SLC25A44: variants seen among roughly 807,000 people sequenced by gnomAD.
The protein encoded by SLC25A44 is solute carrier family 25 member 44.
In SLC25A44, 17 loss-of-function variants were observed where a neutral mutation model predicts 29.9. The observed-to-expected ratio is 0.57, with a 90% confidence interval of 0.39 to 0.85. SLC25A44 has a LOEUF of 0.85. Among genes scored for constraint, SLC25A44 ranks in the 40% least tolerant of loss-of-function variants. SLC25A44 has a pLI of 0.00. For missense variants in SLC25A44, 302 were observed against 398.4 expected (o/e 0.76, Z 2.06); for synonymous variants, 140 against 151.8 (o/e 0.92, Z 0.57).
In SLC25A44 at chr1:156,198,599, C is replaced by T. The variant is rs1558176585; in HGVS notation, c.-13-1236C>T. On this transcript the variant is annotated intron_variant, in intron 1 of 3. Transcript: ENST00000359511. The surrounding 1 kb of genome is among the most constrained non-coding windows in gnomAD (Gnocchi z 4.1). ...AAGTAGCTGGGACCACAGGTGCATG[C>T]CACCATGCCTGGCTAACTTATTTTT... 6.6e-6 allele frequency: 1 copy of T among 152,210 alleles called. No individual in the cohort carries two copies. Among genetic ancestry groups the T allele is most frequent in the Non-Finnish European group, 1.5e-5 (1 of 68,088 alleles). The allele number at this position is 152,210 out of a possible 1,614,324, so 9.4% of individuals were successfully genotyped here.
In SLC25A44 at chr1:156,210,475, G is replaced by A. The variant is rs1459542698; in HGVS notation, c.*44G>A. The A allele has an allele frequency of 6.9e-7, 1 of 1,454,248 alleles. No individual in the cohort carries two copies. The highest frequency in any genetic ancestry group is 2.2e-5 in the Admixed American group (1 of 45,856). 90.1% of individuals were successfully genotyped at this position (1,454,248 alleles called of 1,614,324 possible). On this transcript the variant is annotated 3_prime_UTR_variant, in exon 4 of 4. Coordinates refer to ENST00000359511, the MANE Select transcript of SLC25A44 (RefSeq NM_014655.4). ...GCCTGCTGTTTTCCACACTACCGTGGGTCAGGGGCAGAGTGGAGAGGACAG... is the reference window on the plus strand; with the variant it reads ...GCCTGCTGTTTTCCACACTACCGTGAGTCAGGGGCAGAGTGGAGAGGACAG...
rs1163004009 is a variant in SLC25A44, at chr1:156,194,203, T to G, written c.-58T>G. 2.6e-5 allele frequency: 4 copies of G among 152,804 alleles called. No individual in the cohort carries two copies. Among genetic ancestry groups the G allele is most frequent in the Non-Finnish European group, 5.9e-5 (4 of 68,074 alleles). The allele number at this position is 152,804 out of a possible 1,614,324, so 9.5% of individuals were successfully genotyped here. On this transcript the variant is annotated 5_prime_UTR_variant, in exon 1 of 4. Transcript: ENST00000359511. ...GGGGCTGCGGCCTAGAGGTCCGGGCTTGGAGTTCGCCTCAGACGCGGTGGA... is the reference window on the plus strand; with the variant it reads ...GGGGCTGCGGCCTAGAGGTCCGGGCGTGGAGTTCGCCTCAGACGCGGTGGA...
Position 156,199,860 on chromosome 1 carries a change from C to A in SLC25A44, c.13C>A (p.Arg5Ser). The A allele has an allele frequency of 6.2e-7, 1 of 1,613,232 alleles. No individual in the cohort carries two copies. Among genetic ancestry groups the A allele is most frequent in the Non-Finnish European group, 8.5e-7 (1 of 1,179,444 alleles). ...GTCTTCAGGCACCATGGAGGACAAA[C>A]GCAACATCCAGATCATCGAGTGGGA... MEDK[R>S]NIQIIEWEHL... The change falls in exon 2 of 4, where the codon CGC becomes AGC. Residue 5 changes from arginine to serine, a missense_variant. Arg to Ser is a moderately radical substitution (Grantham distance 110). Coordinates refer to ENST00000359511, the MANE Select transcript of SLC25A44 (RefSeq NM_014655.4).
At chr1:156,209,476 T>C (rs1222196162) in intron 3 of SLC25A44, among the ~76,000 whole-genome samples, 1 of 152,114 alleles carries the variant, frequency 6.6e-6, no homozygotes, top group African/African-American at 2.4e-5. Context: ...GAAGGTCATA[T>C]CATATAAAGG....
At chr1:156,203,650 A>ATG (rs1656723795) in intron 2 of SLC25A44, among the ~76,000 whole-genome samples, 1 of 148,110 alleles carries the variant, frequency 6.8e-6, no homozygotes. Context: ...AAAATGAAAG[A>ATG]TGTGGAGTCC....
chr1:156,201,696 TTC>T (rs1457659790), intron 2 of SLC25A44, among the ~76,000 whole-genome samples: 8 of 152,224 alleles, frequency 5.3e-5, no homozygotes, highest in African/African-American at 1.9e-4. Flanking sequence ...TTCTTTCTTC[TTC>T]TTTTTTTGCT....
At position 156,210,470 on chromosome 1, in the gene SLC25A44, C is replaced by G. The variant is rs1657227808; in HGVS notation, c.*39C>G. On this transcript the variant is annotated 3_prime_UTR_variant, in exon 4 of 4. Transcript: ENST00000359511. ...GAGAAGCCTGCTGTTTTCCACACTA[C>G]CGTGGGTCAGGGGCAGAGTGGAGAG... is the stretch of plus-strand genomic sequence containing the variant. 1 of 1,477,156 alleles carries G rather than the reference C, an allele frequency of 6.8e-7. No individual in the cohort carries two copies. 91.5% of individuals were successfully genotyped at this position (1,477,156 alleles called of 1,614,324 possible).
chr1:156,199,789 G>C (rs1241449159), intron 1 of SLC25A44, 46 bp from the exon 2 acceptor site: 6 of 1,536,872 alleles, frequency 3.9e-6, no homozygotes, highest in Non-Finnish European at 5.3e-6. Context: ...AAAGCACAAA[G>C]CTCCACCCTC....
intron 2 of SLC25A44, 95 bp downstream of exon 2, chr1:156,200,567 T>G: frequency 5.3e-6 from 6 of 1,131,090 alleles, no homozygotes; most frequent in East Asian, 2.4e-5. Flanking sequence ...AGGTGAGATT[T>G]AATGGGGGAA....
intron 3 of SLC25A44, among the ~76,000 whole-genome samples, chr1:156,209,660 T>C (rs1450939235): frequency 6.6e-6 from 1 of 152,000 alleles, no homozygotes; most frequent in East Asian, 1.9e-4. Context: ...TATTTGTTCA[T>C]GGGGTGTGTG....
At chr1:156,199,726 G>A (rs1054659888) in intron 1 of SLC25A44, 109 bp from the exon 2 acceptor site, 12 of 874,820 alleles carry the variant, frequency 1.4e-5, no homozygotes, top group Non-Finnish European at 2.1e-5. Flanking sequence ...GGGCAGGTGA[G>A]TGTCCAGGAG....
At chr1:156,207,575 A>G (rs1004730391) in intron 2 of SLC25A44, among the ~76,000 whole-genome samples, 5 of 152,106 alleles carry the variant, frequency 3.3e-5, no homozygotes, top group African/African-American at 1.2e-4. Context: ...GCTTGAGCCC[A>G]GGAGATTGAG....
At chr1:156,210,135 C>T (rs1007240552) in intron 3 of SLC25A44, 105 bp from the exon 4 acceptor site, 12 of 765,908 alleles carry the variant, frequency 1.6e-5, no homozygotes, top group South Asian at 1.2e-4. Context: ...CCACACCTTC[C>T]GACGTCGGAG....
chr1:156,197,312 C>G (rs1656273762), intron 1 of SLC25A44: 2 of 152,214 alleles, frequency 1.3e-5, no homozygotes, highest in South Asian at 4.1e-4. Context: ...TATCATTGTT[C>G]TAGGGGTTCT....
Position 156,211,217 on chromosome 1 carries a change from T to C in SLC25A44, c.*786T>C. On this transcript the variant is annotated 3_prime_UTR_variant, in exon 4 of 4. Transcript: ENST00000359511. ...TAATGTAGCTTTTTCCACAAGCCAC[T>C]TCCCTGTCCCTTCAGTCTCAGGAGC... is the stretch of plus-strand genomic sequence containing the variant. 1 of 152,950 alleles carries C rather than the reference T, an allele frequency of 6.5e-6. No individual in the cohort carries two copies. Among genetic ancestry groups the C allele is most frequent in the Non-Finnish European group, 1.5e-5 (1 of 68,118 alleles). 9.5% of individuals were successfully genotyped at this position (152,950 alleles called of 1,614,324 possible). A position where few individuals can be genotyped will look rare whatever the true frequency, so the allele number is the denominator to read the frequency against.
At position 156,199,441 on chromosome 1, in the gene SLC25A44, G is replaced by C. The variant is rs1656408012; in HGVS notation, c.-13-394G>C. 4 of 209,978 alleles carry C rather than the reference G, an allele frequency of 1.9e-5. No individual in the cohort carries two copies. The South Asian group carries it at 3.4e-4, about 18-fold the overall frequency. The allele number at this position is 209,978 out of a possible 1,614,324, so 13.0% of individuals were successfully genotyped here. A position where few individuals can be genotyped will look rare whatever the true frequency, so the allele number is the denominator to read the frequency against. On this transcript the variant is annotated intron_variant, in intron 1 of 3. Coordinates refer to ENST00000359511, the MANE Select transcript of SLC25A44 (RefSeq NM_014655.4). The stretch of plus-strand genomic sequence containing the variant: ...TCCATAGCATCCTGAGCTCTGCTTG[G>C]GTGAGCCAGACAAAAAGAATGATTC...
intron 1 of SLC25A44, chr1:156,196,775 G>C (rs1656236106): frequency 6.6e-6 from 1 of 152,278 alleles, no homozygotes; most frequent in African/African-American, 2.4e-5. Context: ...AGAGCTGCAA[G>C]AAGTCTCTGG....
intron 1 of SLC25A44, chr1:156,196,509 C>T (rs1161988073): frequency 1.3e-5 from 2 of 152,198 alleles, no homozygotes; most frequent in Non-Finnish European, 2.9e-5. Flanking sequence ...GATGCTGATA[C>T]TTGGTGTTTC....
intron 2 of SLC25A44, among the ~76,000 whole-genome samples, chr1:156,203,303 T>C (rs1235824233): frequency 6.6e-6 from 1 of 152,264 alleles, no homozygotes; most frequent in African/African-American, 2.4e-5. Flanking sequence ...AAAAGGACTT[T>C]ATTCTATTGG....
Sources: allele counts gnomAD v4.1 joint callset (sites outside exome capture counted in the v4.1 genomes callset), GRCh38; gene constraint gnomAD v4.1.1; non-coding constraint Gnocchi (gnomAD v3.1); transcripts MANE v1.5; gene names NCBI Gene and HGNC (gene_info 2026-07-23, HGNC 2026-07-21).